SCN11A: variants seen among roughly 807,000 people sequenced by gnomAD.
SCN11A encodes the protein sodium channel protein type 11 subunit alpha.
SCN11A carries 122 observed loss-of-function variants against 162.2 expected under a neutral mutation model. The ratio of observed to expected loss-of-function variants is 0.75; its 90% confidence interval spans 0.65 to 0.87. The LOEUF (loss-of-function observed/expected upper bound fraction) is 0.87. SCN11A is among the 40% of genes least tolerant of loss of function. SCN11A has a pLI of 0.00. For synonymous variants in SCN11A, 758 were observed against 751.5 expected, an observed-to-expected ratio of 1.01 and a Z score of -0.14; for missense variants, 2,015 against 2,181.6, an observed-to-expected ratio of 0.92 and a Z score of 1.52.
chr3:38,921,046 C>T, intron 10 of SCN11A, 30 bp downstream of exon 10: 1 of 1,605,010 alleles, frequency 6.2e-7, no homozygotes, highest in Non-Finnish European at 8.5e-7. Flanking sequence ...ATGCAAAAAC[C>T]AAGGAGTGAA....
chr3:38,968,667 A>C (rs1000232507), intron 2 of SCN11A, among the ~76,000 whole-genome samples: 2 of 152,012 alleles, frequency 1.3e-5, no homozygotes, highest in African/African-American at 4.8e-5. Context: ...CATGCACACA[A>C]GCACACACAT....
chr3:38,932,502 C>T (rs1038225415), intron 7 of SCN11A, among the ~76,000 whole-genome samples: 5 of 152,176 alleles, frequency 3.3e-5, no homozygotes, highest in Non-Finnish European at 5.9e-5. Context: ...CCTGGAAAAT[C>T]GGGTCACTCC....
chr3:38,990,644 T>A (rs1479392288), intron 2 of SCN11A, among the ~76,000 whole-genome samples: 1 of 152,182 alleles, frequency 6.6e-6, no homozygotes, highest in African/African-American at 2.4e-5. Context: ...ACATACCACA[T>A]GCTCTGTGCC....
chr3:39,021,085 A>G (rs1257461773), intron 2 of SCN11A, among the ~76,000 whole-genome samples: 1 of 152,160 alleles, frequency 6.6e-6, no homozygotes, highest in Non-Finnish European at 1.5e-5. Context: ...TAATAAGTTT[A>G]TTTGAGCATT....
chr3:38,880,480 C>A (rs1194060146), intron 22 of SCN11A, among the ~76,000 whole-genome samples: 1 of 152,186 alleles, frequency 6.6e-6, no homozygotes, highest in African/African-American at 2.4e-5. Context: ...CAGGACCACC[C>A]AGTGGCATAG....
At chr3:38,975,009 T>C (rs1343654128) in intron 2 of SCN11A, among the ~76,000 whole-genome samples, 3 of 151,424 alleles carry the variant, frequency 2.0e-5, no homozygotes, top group Non-Finnish European at 2.9e-5. Context: ...GGCAATTTAA[T>C]TCTTGGCTGA....
At chr3:38,852,196 A>G (rs2064793255) in intron 28 of SCN11A, among the ~76,000 whole-genome samples, 1 of 152,300 alleles carries the variant, frequency 6.6e-6, no homozygotes, top group African/African-American at 2.4e-5. Flanking sequence ...GAGGGTAGGG[A>G]CAACACTGGA....
intron 7 of SCN11A, among the ~76,000 whole-genome samples, chr3:38,942,322 C>CA (rs1366490901): frequency 6.6e-6 from 1 of 152,036 alleles, no homozygotes; most frequent in East Asian, 1.9e-4. Flanking sequence ...AGTAAAGGTA[C>CA]AAAAGATCTA....
At chr3:39,000,964 G>T (rs2030793548) in intron 2 of SCN11A, among the ~76,000 whole-genome samples, 1 of 152,158 alleles carries the variant, frequency 6.6e-6, no homozygotes, top group Non-Finnish European at 1.5e-5. Flanking sequence ...TTGAACCTGG[G>T]AGGCAGAGGT....
intron 23 of SCN11A, among the ~76,000 whole-genome samples, chr3:38,878,934 G>A (rs774501907): frequency 6.6e-5 from 10 of 152,112 alleles, no homozygotes; most frequent in Non-Finnish European, 1.3e-4. Flanking sequence ...ATGATGGAAA[G>A]AGGTAATGTT....
intron 11 of SCN11A, among the ~76,000 whole-genome samples, chr3:38,912,717 G>A (rs555111433): frequency 8.7e-4 from 133 of 152,302 alleles, no homozygotes; most frequent in South Asian, 6.6e-3. Flanking sequence ...TTACAAGTGA[G>A]AACATGCAGT....
chr3:38,890,645 T>C (rs1462067964), intron 19 of SCN11A, among the ~76,000 whole-genome samples: 2 of 152,194 alleles, frequency 1.3e-5, no homozygotes, highest in Non-Finnish European at 2.9e-5. Flanking sequence ...TCAAGGAAAA[T>C]AGAGCAATTA....
chr3:39,008,358 G>A (rs554836621), intron 2 of SCN11A, among the ~76,000 whole-genome samples: 2 of 152,262 alleles, frequency 1.3e-5, no homozygotes, highest in African/African-American at 4.8e-5. Context: ...TCATTTCACA[G>A]AAAGCTACTG....
chr3:38,956,323 TTAAACTA>T (rs1165545317), intron 3 of SCN11A, among the ~76,000 whole-genome samples: 1 of 152,102 alleles, frequency 6.6e-6, no homozygotes, highest in Non-Finnish European at 1.5e-5. Context: ...GGAAAAATAT[TTAAACTA>T]TAAAGAAAAT....
intron 17 of SCN11A, among the ~76,000 whole-genome samples, chr3:38,897,652 G>A (rs1213305609): frequency 9.2e-5 from 14 of 151,566 alleles, no homozygotes; most frequent in Non-Finnish European, 2.1e-4. Flanking sequence ...TGAGTCAGAG[G>A]TTGCAGTGAG....
At chr3:39,027,693 A>G (rs1354458357) in intron 2 of SCN11A, among the ~76,000 whole-genome samples, 1 of 152,190 alleles carries the variant, frequency 6.6e-6, no homozygotes, top group African/African-American at 2.4e-5. Flanking sequence ...GCTATTTCAG[A>G]TACTACCAAG....
At position 38,859,537 on chromosome 3, in the gene SCN11A, C is replaced by T. The variant is rs182779262; in HGVS notation, c.4056+3658G>A. Among the ~76,000 whole-genome samples the T allele has an allele frequency of 1.7e-3, 261 of 151,404 alleles. 2 individuals are homozygous for T. The highest frequency in any genetic ancestry group is 5.9e-3 in the African/African-American group (245 of 41,264). On this transcript the variant is annotated intron_variant, in intron 28 of 29. Transcript: ENST00000302328. The stretch of plus-strand genomic sequence containing the variant: ...GAAACAGTAATAAAAAAATTACCAA[C>T]AAAAAAAAGTCCAGGACCAGATGGA...
chr3:38,880,943 T>C (rs1354815926), intron 22 of SCN11A, among the ~76,000 whole-genome samples: 1 of 152,172 alleles, frequency 6.6e-6, no homozygotes, highest in Non-Finnish European at 1.5e-5. Context: ...TTACTAAAGC[T>C]GCCCATGAAA....
At chr3:38,849,119 A>G (rs1432540421) in intron 29 of SCN11A, among the ~76,000 whole-genome samples, 2 of 152,136 alleles carry the variant, frequency 1.3e-5, no homozygotes, top group Non-Finnish European at 2.9e-5. Context: ...AGTCAGAAAC[A>G]TTTCCGCAAA....
Sources: gnomAD v4.1 joint callset for allele counts (sites outside exome capture counted in the v4.1 genomes callset) on GRCh38, gnomAD v4.1.1 for gene constraint, MANE v1.5 for transcripts, NCBI Gene and HGNC (gene_info 2026-07-23, HGNC 2026-07-21) for gene names.